DVL3: variants seen among roughly 807,000 people sequenced by gnomAD.
The protein encoded by DVL3 is segment polarity protein dishevelled homolog DVL-3.
A neutral mutation model predicts 67.4 loss-of-function variants in DVL3; 27 were observed. The observed-to-expected ratio is 0.40, with a 90% confidence interval of 0.30 to 0.55. The LOEUF is 0.55. Ranked by LOEUF, DVL3 falls within the 20% of genes least tolerant of loss-of-function variation. The probability of loss-of-function intolerance (pLI) is 0.46; values close to 1 mark genes in which losing one functional copy is unlikely to be tolerated. For missense variants in DVL3, 819 were observed against 1,021.5 expected, an observed-to-expected ratio of 0.80 and a Z score of 2.70; for synonymous variants, 369 against 396.8, an observed-to-expected ratio of 0.93 and a Z score of 0.83.
In DVL3 at chr3:184,170,288, G is replaced by T. The variant is rs528763237; in HGVS notation, c.1715-31G>T. 8 of 1,591,662 alleles carry T rather than the reference G, an allele frequency of 5.0e-6. No homozygotes were observed. Among genetic ancestry groups the T allele is most frequent in the African/African-American group, 1.3e-5 (1 of 74,538 alleles). On this transcript the variant is annotated intron_variant, in intron 14 of 14. Transcript: ENST00000313143. This position sits in a 1 kb window ranked among gnomAD's most constrained non-coding sequence, Gnocchi z 6.5. ...CAGGCTTCCCCCGCCCGCTCAGCCT[G>T]CCCCACCCCGGCCCTGTTTGCCTCC...
At position 184,159,306 on chromosome 3, in the gene DVL3, C is replaced by A. The variant is rs141586387; in HGVS notation, c.161+3510C>A. On this transcript the variant is annotated intron_variant, in intron 1 of 14. Coordinates refer to ENST00000313143, the MANE Select transcript of DVL3 (RefSeq NM_004423.4). ...CCCCTGTCTCCTCCAGGTTCAAATT[C>A]TCCTGTCTTCTGGGTTGAGCTTTTC... Among the ~76,000 whole-genome samples the A allele has an allele frequency of 1.2e-3, 126 of 103,494 alleles. 39 individuals carry two copies. The highest frequency in any genetic ancestry group is 4.6e-3 in the African/African-American group (122 of 26,768). The allele number at this position is 103,494 out of a possible 152,430, so 67.9% of individuals were successfully genotyped here. A position where few individuals can be genotyped will look rare whatever the true frequency, so the allele number is the denominator to read the frequency against.
Position 184,170,958 on chromosome 3 carries a change from C to T in DVL3, c.*203C>T. 6.5e-7 allele frequency: 1 copy of T among 1,527,422 alleles called. No individual in the cohort carries two copies. The highest frequency in any genetic ancestry group is 8.8e-7 in the Non-Finnish European group (1 of 1,140,044). The allele number at this position is 1,527,422 out of a possible 1,614,324, so 94.6% of individuals were successfully genotyped here. ...CTGCAGCCCCCTAACCTGCCTCTGG[C>T]CCCAGTTCGTTTCCTCTGCCCACTA... On this transcript the variant is annotated 3_prime_UTR_variant, in exon 15 of 15. Transcript: ENST00000313143. This position sits in a 1 kb window ranked among gnomAD's most constrained non-coding sequence, Gnocchi z 6.5.
At position 184,165,107 on chromosome 3, in the gene DVL3, C is replaced by T; in HGVS notation, c.600-6C>T. The T allele has an allele frequency of 6.2e-7, 1 of 1,614,010 alleles. No individual in the cohort carries two copies. Among genetic ancestry groups the T allele is most frequent in the Non-Finnish European group, 8.5e-7 (1 of 1,179,962 alleles). On this transcript the variant is annotated splice_polypyrimidine_tract_variant and splice_region_variant and intron_variant, in intron 5 of 14. Coordinates refer to ENST00000313143, the MANE Select transcript of DVL3 (RefSeq NM_004423.4). This position sits in a 1 kb window ranked among gnomAD's most constrained non-coding sequence, Gnocchi z 4.1. The stretch of plus-strand genomic sequence containing the variant: ...GCCTGGTGGGGAACGACTGTGGGCC[C>T]CACAGGTTCAGCAGCTCCACAGAAC...
chr3:184,161,426 CAAA>C lies in DVL3; in HGVS notation c.162-2221_162-2219del, dbSNP rs578208917. Reference sequence around the variant, plus strand: ...TGGGTGACAGAGCGAGACTCCGTCTCAAAAAAAAAAAACCAAAGAACAAGTGGG... The same window carrying C: ...TGGGTGACAGAGCGAGACTCCGTCTCAAAAAAAAACCAAAGAACAAGTGGG... On this transcript the variant is annotated intron_variant, in intron 1 of 14. Coordinates refer to ENST00000313143, the MANE Select transcript of DVL3 (RefSeq NM_004423.4). Among the ~76,000 whole-genome samples, 204 of 140,908 alleles carry C rather than the reference CAAA, an allele frequency of 1.4e-3. 2 individuals carry two copies. Among genetic ancestry groups the C allele is most frequent in the African/African-American group, 5.2e-3 (200 of 38,546 alleles). The allele number at this position is 140,908 out of a possible 152,430, so 92.4% of individuals were successfully genotyped here.
In DVL3 at chr3:184,166,942, T is replaced by C. The variant is rs1300730170; in HGVS notation, c.1165T>C (p.Ser389Pro). ...CCTGAGCACCATCACCTCCACCAGCTCCTCCATCACCAGTTCCATCCCTGA... is the reference window on the plus strand; with the variant it reads ...CCTGAGCACCATCACCTCCACCAGCCCCTCCATCACCAGTTCCATCCCTGA... ...PSLSTITSTS[S>P]SITSSIPDTE... Residue 389 changes from serine (S) to proline (P), a missense_variant, in exon 11 of 15, where the codon TCC becomes CCC. Physicochemically the swap from Ser to Pro is moderately conservative, Grantham distance 74. This residue lies in a region of DVL3 where 110 missense variants were observed against 203.4 expected (regional missense o/e 0.54). Transcript: ENST00000313143. This position sits in a 1 kb window ranked among gnomAD's most constrained non-coding sequence, Gnocchi z 6.7. 1 of 1,613,740 alleles carries C rather than the reference T, an allele frequency of 6.2e-7. No homozygotes were observed. The highest frequency in any genetic ancestry group is 1.1e-5 in the South Asian group (1 of 91,082).
In DVL3 at chr3:184,171,107, G is replaced by T; in HGVS notation, c.*352G>T. The stretch of plus-strand genomic sequence containing the variant: ...ACCCCAGCAATGACCTTGGTGGCAC[G>T]CTCACTCCCTCATTCTCTCGTTTCC... On this transcript the variant is annotated 3_prime_UTR_variant, in exon 15 of 15. Coordinates refer to ENST00000313143, the MANE Select transcript of DVL3 (RefSeq NM_004423.4). The T allele has an allele frequency of 8.2e-7, 1 of 1,215,738 alleles. No individual in the cohort carries two copies. Among genetic ancestry groups the T allele is most frequent in the Non-Finnish European group, 1.0e-6 (1 of 964,476 alleles). 75.3% of individuals were successfully genotyped at this position (1,215,738 alleles called of 1,614,324 possible).
At chr3:184,156,441 G>T (rs1318557516) in intron 1 of DVL3, 6 of 456,632 alleles carry the variant, frequency 1.3e-5, no homozygotes, top group Non-Finnish European at 1.3e-5. Context: ...AGTCCTCACT[G>T]ACCCAGGTGC....
Position 184,172,995 on chromosome 3 carries a change from TCTTTC to T in DVL3, c.*2246_*2250del, listed in dbSNP as rs1423228900. 1 of 152,332 alleles carries T rather than the reference TCTTTC, an allele frequency of 6.6e-6. No individual in the cohort carries two copies. Among genetic ancestry groups the T allele is most frequent in the Non-Finnish European group, 1.5e-5 (1 of 68,074 alleles). 9.4% of individuals were successfully genotyped at this position (152,332 alleles called of 1,614,324 possible). On this transcript the variant is annotated 3_prime_UTR_variant, in exon 15 of 15. Transcript: ENST00000313143. ...CATCGTTCCATCTTTGATTCACTTC[TCTTTC>T]CTTTCTATTTACTCCCAAAATGGAG...
Position 184,166,833 on chromosome 3 carries a change from C to T in DVL3, c.1056C>T (p.Pro352=), listed in dbSNP as rs1560119222. ...RGCFTLPRSE[P]IRPIDPAAWV... ...TCCTCATCCTCCCTGCAGGCGAGCC[C>T]ATCCGGCCCATTGACCCTGCGGCCT... The change falls in exon 11 of 15, where the codon CCC becomes CCT. Residue 352 remains proline (P), a synonymous_variant. Transcript: ENST00000313143. This position sits in a 1 kb window ranked among gnomAD's most constrained non-coding sequence, Gnocchi z 6.7. The T allele has an allele frequency of 3.7e-6, 6 of 1,613,970 alleles. No homozygotes were observed. The highest frequency in any genetic ancestry group is 5.1e-6 in the Non-Finnish European group (6 of 1,179,940).
chr3:184,171,606 GCGAGGGGAGGCCCAGCCTC>G lies in DVL3; in HGVS notation c.*857_*875del. The G allele has an allele frequency of 1.0e-6, 1 of 985,916 alleles. No individual in the cohort carries two copies. The highest frequency in any genetic ancestry group is 1.2e-6 in the Non-Finnish European group (1 of 829,956). 61.1% of individuals were successfully genotyped at this position (985,916 alleles called of 1,614,324 possible). On this transcript the variant is annotated 3_prime_UTR_variant, in exon 15 of 15. Coordinates refer to ENST00000313143, the MANE Select transcript of DVL3 (RefSeq NM_004423.4). ...CTGTTTGACTTTCTGTGAGCCCCCA[GCGAGGGGAGGCCCAGCCTC>G]CGAGGAGACCAGGAACCCTGCTTCA...
At position 184,168,050 on chromosome 3, in the gene DVL3, G is replaced by A. The variant is rs779296284; in HGVS notation, c.1483G>A (p.Gly495Ser). 5 of 1,614,160 alleles carry A rather than the reference G, an allele frequency of 3.1e-6. No homozygotes were observed. Among genetic ancestry groups the A allele is most frequent in the East Asian group, 2.2e-5 (1 of 44,886 alleles). ...CTCCGAGCAGTGCTACTACATCTTC[G>A]GTGACCTCTGCGGCAGTATGTGCCT... ...TFSEQCYYIF[G>S]DLCGNMANLS... Residue 495 changes from glycine (G) to serine (S), a missense_variant, in exon 13 of 15, where the codon GGT (glycine) becomes AGT (serine). Gly to Ser is a moderately conservative substitution (Grantham distance 56). This residue lies in a region of DVL3 where 110 missense variants were observed against 203.4 expected (regional missense o/e 0.54). Coordinates refer to ENST00000313143, the MANE Select transcript of DVL3 (RefSeq NM_004423.4).
In DVL3 at chr3:184,166,358, TGGG is replaced by T; in HGVS notation, c.904-85_904-83del. ...GCTCCTTCAGAGGCCCCTTCTTGGT[TGGG>T]GGAAGACTCCCTGACCTACCAAGTT... On this transcript the variant is annotated intron_variant, in intron 8 of 14. Transcript: ENST00000313143. The surrounding 1 kb of genome is among the most constrained non-coding windows in gnomAD (Gnocchi z 6.7). 1 of 1,607,666 alleles carries T rather than the reference TGGG, an allele frequency of 6.2e-7. No individual in the cohort carries two copies.
At position 184,167,886 on chromosome 3, in the gene DVL3, C is replaced by T. The variant is rs1377575529; in HGVS notation, c.1331-12C>T. The T allele has an allele frequency of 1.3e-5, 21 of 1,614,252 alleles. No individual in the cohort carries two copies. The highest frequency in any genetic ancestry group is 2.2e-5 in the East Asian group (1 of 44,890). On this transcript the variant is annotated splice_polypyrimidine_tract_variant and intron_variant, in intron 12 of 14. Transcript: ENST00000313143. The surrounding 1 kb of genome is among the most constrained non-coding windows in gnomAD (Gnocchi z 4.6). ...GATGGGCCTCCCCATCAACTGGCAG[C>T]CTTGTCCCCAGGCTCAGATGTGGTG...
At chr3:184,161,645 C>A (rs1332093236) in intron 1 of DVL3, among the ~76,000 whole-genome samples, 3 of 152,168 alleles carry the variant, frequency 2.0e-5, no homozygotes, top group African/African-American at 7.2e-5. Context: ...TCTTGCCTCA[C>A]CACATTCCCC....
rs1253126734 is a variant in DVL3 at position 184,167,727 on chromosome 3, G to A, written c.1330+16G>A. The A allele has an allele frequency of 6.2e-7, 1 of 1,604,854 alleles. No homozygotes were observed. The highest frequency in any genetic ancestry group is 1.7e-5 in the Admixed American group (1 of 59,400). ...GCTTTCATCGGTGAGAGAGCCCCAT[G>A]GTGGGATGCAGGGTGGGTGGGGAGT... On this transcript the variant is annotated intron_variant, in intron 12 of 14. Coordinates refer to ENST00000313143, the MANE Select transcript of DVL3 (RefSeq NM_004423.4). This position sits in a 1 kb window ranked among gnomAD's most constrained non-coding sequence, Gnocchi z 4.6.
chr3:184,165,630 C>A lies in DVL3; in HGVS notation c.763+139C>A. ...AACATCAGCTGATACATAAACTGAT[C>A]ATTTTAGTATCTCACCATCAGGGCT... On this transcript the variant is annotated intron_variant, in intron 7 of 14. Transcript: ENST00000313143. The surrounding 1 kb of genome is among the most constrained non-coding windows in gnomAD (Gnocchi z 4.1). 2.8e-6 allele frequency: 2 copies of A among 713,372 alleles called. No homozygotes were observed. Among genetic ancestry groups the A allele is most frequent in the Admixed American group, 2.2e-5 (1 of 45,462 alleles). The allele number at this position is 713,372 out of a possible 1,614,324, so 44.2% of individuals were successfully genotyped here. A position where few individuals can be genotyped will look rare whatever the true frequency, so the allele number is the denominator to read the frequency against.
Position 184,171,012 on chromosome 3 carries a change from T to A in DVL3, c.*257T>A. On this transcript the variant is annotated 3_prime_UTR_variant, in exon 15 of 15. Transcript: ENST00000313143. ...CCTGCGCAGGACTTCCCAGGACCCC[T>A]TTTGTCTCTGGGACCAGACTTGTTG... The A allele has an allele frequency of 7.0e-7, 1 of 1,424,594 alleles. No homozygotes were observed. Among genetic ancestry groups the A allele is most frequent in the Admixed American group, 2.4e-5 (1 of 41,854 alleles). The allele number at this position is 1,424,594 out of a possible 1,614,324, so 88.2% of individuals were successfully genotyped here.
At position 184,167,454 on chromosome 3, in the gene DVL3, C is replaced by A; in HGVS notation, c.1199-126C>A. 1 of 896,912 alleles carries A rather than the reference C, an allele frequency of 1.1e-6. No individual in the cohort carries two copies. The highest frequency in any genetic ancestry group is 1.7e-6 in the Non-Finnish European group (1 of 595,752). 55.6% of individuals were successfully genotyped at this position (896,912 alleles called of 1,614,324 possible). ...TTTTACAGAAGGGGAAACTGAGTGT[C>A]CAAGAAATCAGTAATTTTCCCAGCA... On this transcript the variant is annotated intron_variant, in intron 11 of 14. Transcript: ENST00000313143. This position sits in a 1 kb window ranked among gnomAD's most constrained non-coding sequence, Gnocchi z 4.6.
chr3:184,171,607 C>A lies in DVL3; in HGVS notation c.*852C>A. 1.0e-6 allele frequency: 1 copy of A among 985,892 alleles called. No homozygotes were observed. The highest frequency in any genetic ancestry group is 1.2e-6 in the Non-Finnish European group (1 of 829,932). 61.1% of individuals were successfully genotyped at this position (985,892 alleles called of 1,614,324 possible). A position where few individuals can be genotyped will look rare whatever the true frequency, so the allele number is the denominator to read the frequency against. The stretch of plus-strand genomic sequence containing the variant: ...TGTTTGACTTTCTGTGAGCCCCCAG[C>A]GAGGGGAGGCCCAGCCTCCGAGGAG... On this transcript the variant is annotated 3_prime_UTR_variant, in exon 15 of 15. Coordinates refer to ENST00000313143, the MANE Select transcript of DVL3 (RefSeq NM_004423.4).
Sources: gnomAD v4.1 joint callset for allele counts (sites outside exome capture counted in the v4.1 genomes callset) on GRCh38, gnomAD v4.1.1 for gene constraint, gnomAD v4.1.1 regional missense constraint, Gnocchi (gnomAD v3.1) non-coding constraint, MANE v1.5 for transcripts, NCBI Gene and HGNC (gene_info 2026-07-23, HGNC 2026-07-21) for gene names.